PLCH2: variants seen among roughly 807,000 people sequenced by gnomAD.
PLCH2 encodes phospholipase C eta 2, also known as 1-phosphatidylinositol 4,5-bisphosphate phosphodiesterase eta-2.
A neutral mutation model predicts 134.7 loss-of-function variants in PLCH2; 98 were observed. The observed-to-expected ratio is 0.73, with a 90% CI of 0.62 to 0.86. The LOEUF is 0.86. PLCH2 is among the 40% of genes least tolerant of loss of function. The probability of loss-of-function intolerance (pLI) is 0.00; values close to 1 mark genes in which losing one functional copy is unlikely to be tolerated. For synonymous variants in PLCH2, 974 were observed against 827.5 expected (o/e 1.18, Z -3.04); for missense variants, 1,994 against 1,986.6 (o/e 1.00, Z -0.07).
At chr1:2,497,316 A>G (rs551612107) in intron 15 of PLCH2, among the ~76,000 whole-genome samples, 186 bp from the exon 16 acceptor site, 1 of 152,326 alleles carries the variant, frequency 6.6e-6, no homozygotes, top group Admixed American at 6.5e-5. Flanking sequence ...ATGTCCCTCC[A>G]GGATGTGCTG....
rs1267403389 is a variant in PLCH2, at chr1:2,467,470, G to A, written c.-150G>A. Reference sequence around the variant, plus strand: ...TTCCTCACCTTCCTCACGGGCGGGCGCGGCAGGGCAGCGTGTGGGGCTGCG... The same window carrying A: ...TTCCTCACCTTCCTCACGGGCGGGCACGGCAGGGCAGCGTGTGGGGCTGCG... On this transcript the variant is annotated 5_prime_UTR_variant, in exon 1 of 22. Coordinates refer to the PLCH2 transcript ENST00000449969. The A allele has an allele frequency of 7.6e-6, 3 of 393,328 alleles. No individual in the cohort carries two copies. The East Asian group carries it at 1.1e-4, about 14-fold the overall frequency. 24.4% of individuals were successfully genotyped at this position (393,328 alleles called of 1,614,324 possible).
In PLCH2 at chr1:2,487,779, C is replaced by T; in HGVS notation, c.1235+61C>T. On this transcript the variant is annotated intron_variant, in intron 8 of 21. Coordinates refer to ENST00000378486, the MANE Select transcript of PLCH2 (RefSeq NM_014638.4). ...GTGGGCAGGGTAGGGTCTCCAGGCT[C>T]TAGCTCTTCCTGCCACACCCACATG... 2.7e-6 allele frequency: 4 copies of T among 1,497,300 alleles called. No individual in the cohort carries two copies. In the South Asian group the frequency reaches 3.6e-5, roughly 14 times the overall value. 92.8% of individuals were successfully genotyped at this position (1,497,300 alleles called of 1,614,324 possible). A position where few individuals can be genotyped will look rare whatever the true frequency, so the allele number is the denominator to read the frequency against.
chr1:2,420,452 G>A, the PLCH2 span, among the ~76,000 whole-genome samples: 4 of 152,176 alleles, frequency 2.6e-5, no homozygotes, highest in Admixed American at 2.6e-4. Flanking sequence ...GATCCACAGT[G>A]GGATGCGGGG....
upstream of PLCH2, among the ~76,000 whole-genome samples, chr1:2,422,521 C>G (rs1036258032): frequency 6.6e-6 from 1 of 152,164 alleles, no homozygotes; most frequent in African/African-American, 2.4e-5. Context: ...CATGGACACT[C>G]TTCTCTGATG....
At chr1:2,447,558 C>T (rs770509402) in intron 2 of PLCH2, among the ~76,000 whole-genome samples, 1 of 152,236 alleles carries the variant, frequency 6.6e-6, no homozygotes, top group African/African-American at 2.4e-5. Flanking sequence ...GCCGCTGACC[C>T]GGAGCTCCAC....
intron 21 of PLCH2, 200 bp downstream of exon 21, chr1:2,502,609 C>A: frequency 1.4e-6 from 1 of 699,518 alleles, no homozygotes; most frequent in Non-Finnish European, 2.6e-6. Flanking sequence ...CAGCCATTCG[C>A]CAGCAGCCCC....
At chr1:2,443,703 G>C (rs979211861) in intron 2 of PLCH2, among the ~76,000 whole-genome samples, 37 of 148,166 alleles carry the variant, frequency 2.5e-4, no homozygotes, top group Admixed American at 2.4e-3. Flanking sequence ...CTCCCGGCGC[G>C]GGGCGGGCAG....
In PLCH2 at chr1:2,504,184, C is replaced by A; in HGVS notation, c.3222C>A (p.Ser1074Arg). ...AGGAYERAPG[S>R]QTDGRSQPRT... The stretch of plus-strand genomic sequence containing the variant: ...GGGCATACGAGAGGGCCCCCGGCAG[C>A]CAGACGGACGGCAGGAGCCAGCCCC... Residue 1074 changes from serine (S) to arginine (R), a missense_variant, in exon 22 of 22, where the codon AGC becomes AGA. Ser to Arg is a moderately radical substitution (Grantham distance 110). Coordinates refer to ENST00000378486, the MANE Select transcript of PLCH2 (RefSeq NM_014638.4). 6.5e-7 allele frequency: 1 copy of A among 1,542,306 alleles called. No individual in the cohort carries two copies. The highest frequency in any genetic ancestry group is 2.1e-5 in the Admixed American group (1 of 47,902).
At chr1:2,434,178 C>T (rs1228276163) in intron 2 of PLCH2, among the ~76,000 whole-genome samples, 3 of 152,350 alleles carry the variant, frequency 2.0e-5, no homozygotes, top group African/African-American at 4.8e-5. Flanking sequence ...ACTGAGCAAC[C>T]AAGGGAGGTG....
intron 2 of PLCH2, among the ~76,000 whole-genome samples, chr1:2,458,959 G>A (rs752514068): frequency 2.0e-5 from 3 of 152,006 alleles, no homozygotes; most frequent in Non-Finnish European, 2.9e-5. Flanking sequence ...CTTCTCAGCA[G>A]CCTGGGCCAC....
intron 1 of PLCH2, among the ~76,000 whole-genome samples, chr1:2,469,982 T>A (rs937414905): frequency 6.6e-6 from 1 of 152,150 alleles, no homozygotes; most frequent in African/African-American, 2.4e-5. Context: ...TGGAACCCCC[T>A]CCAGCTCTGC....
the PLCH2 span, among the ~76,000 whole-genome samples, chr1:2,420,367 A>G: frequency 6.6e-6 from 1 of 152,046 alleles, no homozygotes; most frequent in Non-Finnish European, 1.5e-5. Context: ...ACCTCCTTCG[A>G]GAGGTGGGTG....
chr1:2,458,757 C>T (rs1218508860), intron 2 of PLCH2, among the ~76,000 whole-genome samples: 2 of 152,204 alleles, frequency 1.3e-5, no homozygotes, highest in Non-Finnish European at 2.9e-5. Context: ...CCCCCAAAGA[C>T]CCATCTGCAC....
chr1:2,466,337 G>A (rs924527760), upstream of PLCH2, among the ~76,000 whole-genome samples: 1 of 152,234 alleles, frequency 6.6e-6, no homozygotes, highest in Non-Finnish European at 1.5e-5. Context: ...GCCCAGGGCA[G>A]GGGCTGGTCC....
intron 2 of PLCH2, chr1:2,479,278 G>A (rs868405719): frequency 1.5e-4 from 25 of 167,576 alleles, no homozygotes; most frequent in South Asian, 1.3e-3. Flanking sequence ...GTCGCGCTGC[G>A]GAGCCCCCAG....
intron 1 of PLCH2, among the ~76,000 whole-genome samples, chr1:2,426,952 A>T (rs897568787): frequency 6.6e-6 from 1 of 152,090 alleles, no homozygotes; most frequent in African/African-American, 2.4e-5. Context: ...GGCCTCACAG[A>T]GGGGCCTTGG....
intron 4 of PLCH2, among the ~76,000 whole-genome samples, chr1:2,481,810 G>A (rs1036167267): frequency 6.6e-6 from 1 of 152,198 alleles, no homozygotes; most frequent in Non-Finnish European, 1.5e-5. Context: ...GGGCCTCCCC[G>A]CCCATCTGTA....
chr1:2,462,689 G>T (rs368258124), upstream of PLCH2, among the ~76,000 whole-genome samples: 71 of 152,252 alleles, frequency 4.7e-4, no homozygotes, highest in African/African-American at 1.7e-3. Context: ...TCTGGGCATC[G>T]CTGGGGTGGT....
chr1:2,450,563 C>T (rs1640153083), intron 2 of PLCH2, among the ~76,000 whole-genome samples: 1 of 117,458 alleles, frequency 8.5e-6, no homozygotes, highest in Non-Finnish European at 1.8e-5. Context: ...CCCACCTGCC[C>T]CCTAACTCCC....
Sources: gnomAD v4.1 joint callset for allele counts (sites outside exome capture counted in the v4.1 genomes callset) on GRCh38, gnomAD v4.1.1 for gene constraint, MANE v1.5 for transcripts, NCBI Gene and HGNC (gene_info 2026-07-23, HGNC 2026-07-21) for gene names.